The following S100G variants were observed in gnomAD, a reference collection of about 807,000 sequenced individuals.
S100G encodes S100 calcium binding protein G, also known as protein S100-G.
S100G carries 4 observed loss-of-function variants against 4.4 expected under a neutral mutation model. The ratio of observed to expected loss-of-function variants is 0.91; its 90% CI spans 0.45 to 2.09. The LOEUF is 2.09. Among genes scored for constraint, S100G ranks in the 30% most tolerant of loss-of-function variants. The pLI, the probability that S100G is intolerant of heterozygous loss-of-function variation, is 0.03. For synonymous variants in S100G, 24 were observed against 20.1 expected, an observed-to-expected ratio of 1.20 and a Z score of -0.53; for missense variants, 48 against 49.8, an observed-to-expected ratio of 0.96 and a Z score of 0.11.
rs186822909 is a variant in S100G, at chrX:16,654,511, G to A, written c.*2G>A. On this transcript the variant is annotated 3_prime_UTR_variant, in exon 3 of 3. Transcript: ENST00000380200. ...TTAGTAAAAAAGATATCCCAGTGAAGGAGAAAACAAAATAGAACCCTGAGC... is the reference window on the plus strand; with the variant it reads ...TTAGTAAAAAAGATATCCCAGTGAAAGAGAAAACAAAATAGAACCCTGAGC... 5 of 1,121,854 alleles carry A rather than the reference G, an allele frequency of 4.5e-6. No individual in the cohort carries two copies. In the East Asian group the frequency reaches 1.5e-4, roughly 34 times the overall value. 92.5% of individuals were successfully genotyped at this position (1,121,854 alleles called of 1,213,427 possible).
chrX:16,654,030 G>C (rs1047440593), intron 2 of S100G, among the ~76,000 whole-genome samples: 2 of 111,923 alleles, frequency 1.8e-5, no homozygotes, highest in East Asian at 5.6e-4. Context: ...AAAACCTTGG[G>C]GCAGGGGTCC....
At chrX:16,651,257 C>A in intron 2 of S100G, 116 bp downstream of exon 2, 1 of 692,489 alleles carries the variant, frequency 1.4e-6, no homozygotes, top group Non-Finnish European at 2.2e-6. Context: ...AGGACACATG[C>A]AGGTGGGGTT....
At position 16,654,449 on chromosome X, in the gene S100G, T is replaced by C. The variant is rs777764213; in HGVS notation, c.180T>C (p.Asn60=). Residue 60 remains asparagine, a synonymous_variant, in exon 3 of 3, where the codon AAT becomes AAC. Coordinates refer to ENST00000380200, the MANE Select transcript of S100G (RefSeq NM_004057.3). ...ATCTCTTTCAAGAACTGGACAAGAA[T>C]GGAGATGGAGAAGTTAGTTTTGAAG... ...LDDLFQELDK[N]GDGEVSFEEF... is the part of the protein sequence containing the mutation. 32 of 1,202,191 alleles carry C rather than the reference T, an allele frequency of 2.7e-5. No homozygotes were observed. The highest frequency in any genetic ancestry group is 3.1e-5 in the Non-Finnish European group (28 of 889,726).
intron 2 of S100G, among the ~76,000 whole-genome samples, chrX:16,653,672 C>A (rs1467934736): frequency 1.8e-5 from 2 of 108,117 alleles, no homozygotes; most frequent in Non-Finnish European, 3.9e-5. Context: ...GGCTGGCAGT[C>A]TGTATTTACT....
chrX:16,650,770 C>G (rs887937818), intron 1 of S100G, among the ~76,000 whole-genome samples: 1 of 110,407 alleles, frequency 9.1e-6, no homozygotes, highest in African/African-American at 3.3e-5. Context: ...CTTGGCCTCC[C>G]AAAGTGCTGG....
At chrX:16,651,395 C>G (rs1458585559) in intron 2 of S100G, among the ~76,000 whole-genome samples, 1 of 111,715 alleles carries the variant, frequency 9.0e-6, no homozygotes, top group African/African-American at 3.3e-5. Flanking sequence ...GAAGCAATGC[C>G]AAGTTATGCC....
intron 2 of S100G, among the ~76,000 whole-genome samples, chrX:16,653,547 C>G (rs1932751344): frequency 8.9e-6 from 1 of 111,872 alleles, no homozygotes; most frequent in Admixed American, 9.5e-5. Context: ...GAGGTGGAAG[C>G]TGCAGTGGGC....
chrX:16,650,931 C>T (rs781189620), intron 1 of S100G, 68 bp from the exon 2 acceptor site: 186 of 973,014 alleles, frequency 1.9e-4, no homozygotes, highest in Admixed American at 7.5e-4. Flanking sequence ...TAAAATCCTG[C>T]AGACAACCCT....
Position 16,654,396 on chromosome X carries a change from G to T in S100G, c.136-9G>T. 8.9e-7 allele frequency: 1 copy of T among 1,119,899 alleles called. No homozygotes were observed. Among genetic ancestry groups the T allele is most frequent in the Middle Eastern group, 2.5e-4 (1 of 4,043 alleles). The allele number at this position is 1,119,899 out of a possible 1,213,427, so 92.3% of individuals were successfully genotyped here. A position where few individuals can be genotyped will look rare whatever the true frequency, so the allele number is the denominator to read the frequency against. ...CCTCCCTTCTCCCATCCTTTTTTAT[G>T]TAAAACAGGGTCCAAACACCCTAGA... is the stretch of plus-strand genomic sequence containing the variant. On this transcript the variant is annotated splice_polypyrimidine_tract_variant and intron_variant, in intron 2 of 2. Coordinates refer to ENST00000380200, the MANE Select transcript of S100G (RefSeq NM_004057.3).
chrX:16,650,616 G>A (rs1257269557), intron 1 of S100G, among the ~76,000 whole-genome samples: 1 of 103,305 alleles, frequency 9.7e-6, no homozygotes, highest in Non-Finnish European at 2.0e-5. Context: ...GGGTTCAAGC[G>A]ATTCTCCTGC....
Position 16,651,159 on chromosome X carries a change from G to A in S100G, c.135+18G>A, listed in dbSNP as rs762268404. 1 of 854,547 alleles carries A rather than the reference G, an allele frequency of 1.2e-6. No individual in the cohort carries two copies. Among genetic ancestry groups the A allele is most frequent in the Non-Finnish European group, 1.6e-6 (1 of 621,620 alleles). 70.4% of individuals were successfully genotyped at this position (854,547 alleles called of 1,213,427 possible). On this transcript the variant is annotated intron_variant, in intron 2 of 2. Transcript: ENST00000380200. ...TACTCAAAGTAAGTGGCCATCCGCAGAGCCCACTTAATGGGACTGATGGTG... is the reference window on the plus strand; with the variant it reads ...TACTCAAAGTAAGTGGCCATCCGCAAAGCCCACTTAATGGGACTGATGGTG...
chrX:16,651,173 G>A, intron 2 of S100G, 32 bp downstream of exon 2: 1 of 1,052,755 alleles, frequency 9.5e-7, no homozygotes, highest in Non-Finnish European at 1.3e-6. Flanking sequence ...CCACTTAATG[G>A]GACTGATGGT....
rs754899349 is a variant in S100G at position 16,654,505 on chromosome X, A to G, written c.236A>G (p.Gln79Arg). Residue 79 changes from glutamine to arginine, a missense_variant, in exon 3 of 3, where the codon CAG becomes CGG. Physicochemically the swap from Gln to Arg is conservative, Grantham distance 43. Transcript: ENST00000380200. ...EFQVLVKKIS[Q>R] ...CAAGTATTAGTAAAAAAGATATCCCAGTGAAGGAGAAAACAAAATAGAACC... is the reference window on the plus strand; with the variant it reads ...CAAGTATTAGTAAAAAAGATATCCCGGTGAAGGAGAAAACAAAATAGAACC... 3 of 1,142,891 alleles carry G rather than the reference A, an allele frequency of 2.6e-6. No individual in the cohort carries two copies. Among genetic ancestry groups the G allele is most frequent in the Admixed American group, 4.5e-5 (2 of 44,686 alleles). 94.2% of individuals were successfully genotyped at this position (1,142,891 alleles called of 1,213,427 possible). A position where few individuals can be genotyped will look rare whatever the true frequency, so the allele number is the denominator to read the frequency against.
At chrX:16,653,103 T>C (rs1053000296) in intron 2 of S100G, among the ~76,000 whole-genome samples, 3 of 110,728 alleles carry the variant, frequency 2.7e-5, no homozygotes, top group Non-Finnish European at 5.7e-5. Flanking sequence ...CCACAATTTA[T>C]ATATACATAT....
intron 2 of S100G, 96 bp downstream of exon 2, chrX:16,651,237 C>T (rs1199612200): frequency 6.0e-6 from 5 of 837,660 alleles, no homozygotes; most frequent in Non-Finnish European, 8.6e-6. Context: ...TAGGGACCGT[C>T]GCTTGAGGGA....
At chrX:16,652,547 G>GA (rs1312906512) in intron 2 of S100G, among the ~76,000 whole-genome samples, 2 of 111,932 alleles carry the variant, frequency 1.8e-5, no homozygotes, top group East Asian at 5.5e-4. Flanking sequence ...ACAAGTTAGT[G>GA]AAAAAATTTA....
chrX:16,650,963 C>T (rs1298470075), intron 1 of S100G, 36 bp from the exon 2 acceptor site: 1 of 1,165,522 alleles, frequency 8.6e-7, no homozygotes, highest in African/African-American at 1.8e-5. Flanking sequence ...TGTACTTCAG[C>T]TTTTTGGTAA....
In S100G at chrX:16,654,549, G is replaced by A. The variant is rs1414824285; in HGVS notation, c.*40G>A. The A allele has an allele frequency of 3.6e-6, 3 of 842,527 alleles. No individual in the cohort carries two copies. Among genetic ancestry groups the A allele is most frequent in the Non-Finnish European group, 5.2e-6 (3 of 573,908 alleles). 69.4% of individuals were successfully genotyped at this position (842,527 alleles called of 1,213,427 possible). ...TAGAACCCTGAGCACTGGAGGAAGA[G>A]CGCCTGTGCTGTGGTCTTATCCTAT... On this transcript the variant is annotated 3_prime_UTR_variant, in exon 3 of 3. Transcript: ENST00000380200.
Position 16,652,304 on chromosome X carries a change from G to A in S100G, c.135+1163G>A, listed in dbSNP as rs766980576. On this transcript the variant is annotated intron_variant, in intron 2 of 2. Coordinates refer to ENST00000380200, the MANE Select transcript of S100G (RefSeq NM_004057.3). ...ACTATTTAGCTCTAACTTCAGGAAA[G>A]AACATTTCTTCAAATATTTTAACCA... Among the ~76,000 whole-genome samples the A allele has an allele frequency of 1.2e-3, 131 of 112,096 alleles. 1 individual carries two copies. The highest frequency in any genetic ancestry group is 4.0e-3 in the African/African-American group (125 of 30,898).
Sources: allele counts gnomAD v4.1 joint callset (sites outside exome capture counted in the v4.1 genomes callset), GRCh38; gene constraint gnomAD v4.1.1; transcripts MANE v1.5; gene names NCBI Gene and HGNC (gene_info 2026-07-23, HGNC 2026-07-21).